Variants in PLCL2 observed in about 807,000 individuals in gnomAD.
PLCL2 encodes phospholipase C like 2, also known as inactive phospholipase C-like protein 2.
In PLCL2, 4 loss-of-function variants were observed where a neutral mutation model predicts 79.6. The observed-to-expected ratio is 0.05, with a 90% confidence interval of 0.02 to 0.11. The LOEUF is 0.11. Among genes scored for constraint, PLCL2 ranks in the 10% least tolerant of loss-of-function variants. PLCL2 has a pLI of 1.00. For missense variants in PLCL2, 895 were observed against 1,291.0 expected (o/e 0.69, Z 4.70); for synonymous variants, 484 against 457.7 (o/e 1.06, Z -0.73).
At chr3:16,991,342 G>GC (rs959304218) in intron 1 of PLCL2, among the ~76,000 whole-genome samples, 1 of 152,176 alleles carries the variant, frequency 6.6e-6, no homozygotes, top group Non-Finnish European at 1.5e-5. Flanking sequence ...GGGCACAACT[G>GC]CATTTAACGG....
intron 5 of PLCL2, among the ~76,000 whole-genome samples, chr3:17,087,447 G>A (rs2065232173): frequency 6.6e-6 from 1 of 152,236 alleles, no homozygotes; most frequent in Non-Finnish European, 1.5e-5. Flanking sequence ...CGACATTGTT[G>A]AAAAGGCAGA....
chr3:17,018,845 A>G (rs890351809), intron 3 of PLCL2, among the ~76,000 whole-genome samples: 1 of 152,170 alleles, frequency 6.6e-6, no homozygotes, highest in African/African-American at 2.4e-5. Flanking sequence ...TGCACTGCTC[A>G]CTCATCAACA....
intron 4 of PLCL2, chr3:17,044,132 C>G (rs2064757271): frequency 6.6e-6 from 1 of 152,286 alleles, no homozygotes; most frequent in Non-Finnish European, 1.5e-5. Context: ...AGGAGAGGGA[C>G]TGAGCTTTCA....
intron 4 of PLCL2, among the ~76,000 whole-genome samples, chr3:17,056,280 G>A (rs1432826340): frequency 6.6e-6 from 1 of 152,052 alleles, no homozygotes; most frequent in Non-Finnish European, 1.5e-5. Flanking sequence ...CAGACAAAAT[G>A]AATCACCTTT....
At chr3:16,968,662 G>T (rs2063828909) in intron 1 of PLCL2, among the ~76,000 whole-genome samples, 1 of 152,112 alleles carries the variant, frequency 6.6e-6, no homozygotes, top group Non-Finnish European at 1.5e-5. Context: ...AGATCAAGGA[G>T]ATTTGGGACA....
At chr3:17,065,298 C>A (rs1264597822) in intron 4 of PLCL2, among the ~76,000 whole-genome samples, 1 of 152,078 alleles carries the variant, frequency 6.6e-6, no homozygotes, top group East Asian at 1.9e-4. Flanking sequence ...CCCATTTCTT[C>A]CTTATCTATA....
intron 1 of PLCL2, among the ~76,000 whole-genome samples, chr3:16,885,657 C>T (rs1021375158): frequency 1.3e-5 from 2 of 152,208 alleles, no homozygotes; most frequent in African/African-American, 4.8e-5. Context: ...CGGGGTAGGG[C>T]ATACTCTTAT....
intron 1 of PLCL2, among the ~76,000 whole-genome samples, chr3:16,905,596 A>G (rs753975114): frequency 1.2e-4 from 19 of 152,236 alleles, no homozygotes; most frequent in Non-Finnish European, 2.1e-4. Context: ...AAGGAAATAA[A>G]TTTCCAATGA....
intron 1 of PLCL2, among the ~76,000 whole-genome samples, chr3:16,898,989 C>T (rs536702551): frequency 2.0e-5 from 3 of 152,356 alleles, no homozygotes; most frequent in African/African-American, 7.2e-5. Context: ...TAATACTTGG[C>T]AGTAACCATT....
At chr3:17,021,902 G>C (rs1575591136) in intron 3 of PLCL2, among the ~76,000 whole-genome samples, 1 of 152,306 alleles carries the variant, frequency 6.6e-6, no homozygotes, top group East Asian at 1.9e-4. Flanking sequence ...AAGTAAGCAA[G>C]GAAACAAGAG....
rs111333873 is a variant in PLCL2, at chr3:17,082,326, T to G, written c.3205-7407T>G. 7.2e-3 allele frequency among the ~76,000 whole-genome samples: 1,099 copies of G among 151,874 alleles called. 15 individuals carry two copies. The highest frequency in any genetic ancestry group is 0.025 in the African/African-American group (1,026 of 41,418). On this transcript the variant is annotated intron_variant, in intron 5 of 5. Coordinates refer to ENST00000615277, the MANE Select transcript of PLCL2 (RefSeq NM_001144382.2). ...GCCAGCTAATTTTTTTTTTTTGTAT[T>G]TTTAGTAGAGACGAGGTTTCACCGT...
At chr3:17,049,537 T>G (rs1346865980) in intron 4 of PLCL2, among the ~76,000 whole-genome samples, 1 of 152,060 alleles carries the variant, frequency 6.6e-6, no homozygotes, top group Non-Finnish European at 1.5e-5. Context: ...ATGCCAACAG[T>G]GAACAATTTG....
intron 1 of PLCL2, among the ~76,000 whole-genome samples, chr3:16,943,560 A>G (rs896654725): frequency 1.3e-5 from 2 of 152,244 alleles, no homozygotes; most frequent in African/African-American, 4.8e-5. Flanking sequence ...AGGCTTATAA[A>G]AGAAAGTGAA....
At chr3:17,046,513 A>G (rs548939302) in intron 4 of PLCL2, among the ~76,000 whole-genome samples, 2 of 152,326 alleles carry the variant, frequency 1.3e-5, no homozygotes, top group Middle Eastern at 3.4e-3. Flanking sequence ...TCTATCAGGT[A>G]ATTTTAAATG....
At chr3:17,064,852 C>T (rs764419509) in intron 4 of PLCL2, among the ~76,000 whole-genome samples, 12 of 150,602 alleles carry the variant, frequency 8.0e-5, no homozygotes, top group Non-Finnish European at 1.6e-4. Flanking sequence ...TTGCTTGAAC[C>T]CAGGAGGCAG....
At chr3:17,055,455 G>A (rs745732386) in intron 4 of PLCL2, among the ~76,000 whole-genome samples, 2 of 151,996 alleles carry the variant, frequency 1.3e-5, no homozygotes, top group Admixed American at 6.6e-5. Flanking sequence ...TTCAAAATAA[G>A]CAACTGGTCT....
In PLCL2 at chr3:17,010,259, A is replaced by G. The variant is rs755091224; in HGVS notation, c.913A>G (p.Thr305Ala). The G allele has an allele frequency of 6.2e-7, 1 of 1,613,988 alleles. No homozygotes were observed. The highest frequency in any genetic ancestry group is 1.1e-5 in the South Asian group (1 of 91,078). Residue 305 changes from threonine (T) to alanine (A), a missense_variant, in exon 2 of 6, where the codon ACG (threonine) becomes GCG (alanine). Transcript: ENST00000615277. The surrounding 1 kb of genome is among the most constrained non-coding windows in gnomAD (Gnocchi z 5.8). The part of the protein sequence containing the change: ...CIRNLNPGLK[T>A]SKIELKFKEL... ...CAGAAACCTCAATCCTGGTTTAAAA[A>G]CGAGCAAAATTGAGCTTAAGTTCAA... is the stretch of plus-strand genomic sequence containing the variant.
intron 3 of PLCL2, among the ~76,000 whole-genome samples, chr3:17,023,875 C>T (rs2124902544): frequency 1.3e-5 from 2 of 152,230 alleles, no homozygotes; most frequent in Middle Eastern, 6.8e-3. Context: ...GTGGAAAGCT[C>T]CAGGGAAAAC....
At chr3:16,973,685 C>A (rs2063896554) in intron 1 of PLCL2, among the ~76,000 whole-genome samples, 1 of 152,164 alleles carries the variant, frequency 6.6e-6, no homozygotes, top group Non-Finnish European at 1.5e-5. Flanking sequence ...CTGCTGTTGT[C>A]AGTATTCTGT....
Sources: gnomAD v4.1 joint callset for allele counts (sites outside exome capture counted in the v4.1 genomes callset) on GRCh38, gnomAD v4.1.1 for gene constraint, Gnocchi (gnomAD v3.1) non-coding constraint, MANE v1.5 for transcripts, NCBI Gene and HGNC (gene_info 2026-07-23, HGNC 2026-07-21) for gene names.